The following ZC3H8 variants were observed in gnomAD, a reference collection of about 807,000 sequenced individuals.
The protein encoded by ZC3H8 is zinc finger CCCH-type containing 8, also known as zinc finger CCCH domain-containing protein 8.
ZC3H8 carries 27 observed loss-of-function variants against 42.5 expected under a neutral mutation model. The observed-to-expected ratio is 0.64, with a 90% CI of 0.47 to 0.88. The LOEUF (loss-of-function observed/expected upper bound fraction) is 0.88. ZC3H8 is among the 40% of genes least tolerant of loss of function. ZC3H8 has a pLI of 0.00. For synonymous variants in ZC3H8, 101 were observed against 110.1 expected (o/e 0.92, Z 0.52); for missense variants, 277 against 336.1 (o/e 0.82, Z 1.37).
chr2:112,240,815 G>A (rs1685543832), intron 2 of ZC3H8, among the ~76,000 whole-genome samples: 1 of 152,006 alleles, frequency 6.6e-6, no homozygotes, highest in South Asian at 2.1e-4. Context: ...GTTGTTTTTT[G>A]TATAATTTAA....
intron 4 of ZC3H8, among the ~76,000 whole-genome samples, chr2:112,235,571 T>C (rs1685283167): frequency 6.6e-6 from 1 of 152,196 alleles, no homozygotes; most frequent in African/African-American, 2.4e-5. Flanking sequence ...TTGGCATTTC[T>C]AATATTTTAC....
chr2:112,248,245 G>A (rs1011019794), intron 2 of ZC3H8, among the ~76,000 whole-genome samples: 2 of 151,702 alleles, frequency 1.3e-5, no homozygotes, highest in East Asian at 2.0e-4. Context: ...AAAACTGCTC[G>A]AACCCAGGAG....
At position 112,230,907 on chromosome 2, in the gene ZC3H8, T is replaced by C. The variant is rs1685057513; in HGVS notation, c.*11A>G. The C allele has an allele frequency of 6.2e-6, 8 of 1,288,356 alleles. No homozygotes were observed. Among genetic ancestry groups the C allele is most frequent in the Non-Finnish European group, 8.1e-6 (8 of 984,894 alleles). The allele number at this position is 1,288,356 out of a possible 1,614,324, so 79.8% of individuals were successfully genotyped here. A position where few individuals can be genotyped will look rare whatever the true frequency, so the allele number is the denominator to read the frequency against. On this transcript the variant is annotated 3_prime_UTR_variant, in exon 8 of 9. Coordinates refer to ENST00000409573, the MANE Select transcript of ZC3H8 (RefSeq NM_032494.3). ...TGTGGTAAATTCTAATTTTACCTTT[T>C]TATGTCTATTTTATTTACATGACTT...
At chr2:112,253,341 G>C (rs925580862) in intron 1 of ZC3H8, among the ~76,000 whole-genome samples, 3 of 151,974 alleles carry the variant, frequency 2.0e-5, no homozygotes, top group Non-Finnish European at 2.9e-5. Flanking sequence ...ATATCCCCAA[G>C]GCCGTAGCAG....
intron 8 of ZC3H8, among the ~76,000 whole-genome samples, chr2:112,227,609 A>G (rs1684900179): frequency 6.6e-6 from 1 of 152,254 alleles, no homozygotes; most frequent in Non-Finnish European, 1.5e-5. Context: ...AACCTACTAG[A>G]GCTAATAAAT....
At chr2:112,249,001 C>G (rs1685853191) in intron 2 of ZC3H8, among the ~76,000 whole-genome samples, 1 of 152,066 alleles carries the variant, frequency 6.6e-6, no homozygotes, top group Admixed American at 6.5e-5. Flanking sequence ...TCGAGACCAG[C>G]CTGGGCAACA....
intron 2 of ZC3H8, among the ~76,000 whole-genome samples, chr2:112,248,054 G>C (rs781081041): frequency 1.2e-4 from 19 of 152,230 alleles, no homozygotes; most frequent in African/African-American, 3.6e-4. Flanking sequence ...GGCTGGGCAT[G>C]GTGGCTCACA....
At chr2:112,241,416 G>A (rs568220032) in intron 2 of ZC3H8, among the ~76,000 whole-genome samples, 2 of 152,184 alleles carry the variant, frequency 1.3e-5, no homozygotes, top group Admixed American at 1.3e-4. Flanking sequence ...ATAAAGCAGG[G>A]GTTCTCACCC....
Position 112,216,432 on chromosome 2 carries a change from A to C in ZC3H8, c.*52T>G, listed in dbSNP as rs1684323407. On this transcript the variant is annotated 3_prime_UTR_variant, in exon 9 of 9. Coordinates refer to ENST00000409573, the MANE Select transcript of ZC3H8 (RefSeq NM_032494.3). ...CAGTCTTGAACAGTCTTGAACACGCATGGGCGTTAAAGTACTCTTTATCTG... is the reference window on the plus strand; with the variant it reads ...CAGTCTTGAACAGTCTTGAACACGCCTGGGCGTTAAAGTACTCTTTATCTG... 6.6e-6 allele frequency: 1 copy of C among 152,280 alleles called. No individual in the cohort carries two copies. Among genetic ancestry groups the C allele is most frequent in the African/African-American group, 2.4e-5 (1 of 41,472 alleles). The allele number at this position is 152,280 out of a possible 1,614,324, so 9.4% of individuals were successfully genotyped here.
chr2:112,247,424 A>G (rs1452262671), intron 2 of ZC3H8, among the ~76,000 whole-genome samples: 1 of 152,072 alleles, frequency 6.6e-6, no homozygotes, highest in East Asian at 1.9e-4. Context: ...AAAATACAAA[A>G]ATTAGCCAGG....
intron 8 of ZC3H8, among the ~76,000 whole-genome samples, chr2:112,217,571 C>T (rs1014170998): frequency 7.2e-5 from 11 of 152,080 alleles, no homozygotes; most frequent in African/African-American, 2.7e-4. Flanking sequence ...TAGAAAATAT[C>T]AGTTTACTAA....
intron 8 of ZC3H8, among the ~76,000 whole-genome samples, chr2:112,222,910 C>T (rs1201925650): frequency 2.6e-5 from 4 of 152,146 alleles, no homozygotes; most frequent in Admixed American, 2.6e-4. Context: ...TGTACATTTA[C>T]AAATGGTTAA....
intron 4 of ZC3H8, among the ~76,000 whole-genome samples, chr2:112,235,710 G>C (rs1377056783): frequency 6.6e-6 from 1 of 152,080 alleles, no homozygotes; most frequent in Non-Finnish European, 1.5e-5. Flanking sequence ...ACAGACCAAG[G>C]AAAGGGAACT....
intron 1 of ZC3H8, among the ~76,000 whole-genome samples, chr2:112,253,499 A>G (rs1686026802): frequency 6.6e-6 from 1 of 152,274 alleles, no homozygotes; most frequent in South Asian, 2.1e-4. Context: ...ACATTGAAAA[A>G]TAATGCCATA....
chr2:112,223,502 T>C (rs548512881), intron 8 of ZC3H8, among the ~76,000 whole-genome samples: 38 of 152,316 alleles, frequency 2.5e-4, no homozygotes, highest in African/African-American at 8.9e-4. Context: ...TGTTTTTCCA[T>C]GATAATTCTT....
chr2:112,230,014 G>T (rs956647603), intron 8 of ZC3H8, among the ~76,000 whole-genome samples: 2 of 148,562 alleles, frequency 1.3e-5, no homozygotes, highest in Non-Finnish European at 3.0e-5. Flanking sequence ...ACCTCACAAA[G>T]AATTATATAA....
intron 2 of ZC3H8, among the ~76,000 whole-genome samples, chr2:112,244,335 C>G (rs533234191): frequency 6.6e-6 from 1 of 152,204 alleles, no homozygotes; most frequent in African/African-American, 2.4e-5. Context: ...GAAATGTTAA[C>G]AAGAACTCAA....
At chr2:112,227,335 G>T (rs1360585345) in intron 8 of ZC3H8, among the ~76,000 whole-genome samples, 4 of 152,208 alleles carry the variant, frequency 2.6e-5, no homozygotes, top group African/African-American at 9.6e-5. Context: ...GACCAGCCTG[G>T]CCAACATGGT....
rs895258054 is a variant in ZC3H8, at chr2:112,211,862, T to C, written c.*4622A>G. ...GAATCAACAGCACTTTTAAGATGAG[T>C]TGGGCATCTTGTCCCTCCCTATCCA... is the stretch of plus-strand genomic sequence containing the variant. On this transcript the variant is annotated 3_prime_UTR_variant, in exon 9 of 9. Transcript: ENST00000409573. 2 of 152,172 alleles carry C rather than the reference T, an allele frequency of 1.3e-5. No individual in the cohort carries two copies. The highest frequency in any genetic ancestry group is 2.4e-5 in the African/African-American group (1 of 41,424). The allele number at this position is 152,172 out of a possible 1,614,324, so 9.4% of individuals were successfully genotyped here. A position where few individuals can be genotyped will look rare whatever the true frequency, so the allele number is the denominator to read the frequency against.
Sources: gnomAD v4.1 joint callset for allele counts (sites outside exome capture counted in the v4.1 genomes callset) on GRCh38, gnomAD v4.1.1 for gene constraint, MANE v1.5 for transcripts, NCBI Gene and HGNC (gene_info 2026-07-23, HGNC 2026-07-21) for gene names.